The following CCDC6 variants were observed in gnomAD, a reference collection of about 807,000 sequenced individuals.
CCDC6 encodes the protein coiled-coil domain containing 6.
A neutral mutation model predicts 56.6 loss-of-function variants in CCDC6; 20 were observed. The observed-to-expected ratio is 0.35, with a 90% confidence interval of 0.25 to 0.51. The LOEUF is 0.51. Among genes scored for constraint, CCDC6 ranks in the 20% least tolerant of loss-of-function variants. The probability of loss-of-function intolerance (pLI) is 0.95; values close to 1 mark genes in which losing one functional copy is unlikely to be tolerated. For synonymous variants in CCDC6, 241 were observed against 234.4 expected, an observed-to-expected ratio of 1.03 and a Z score of -0.26; for missense variants, 367 against 601.1, an observed-to-expected ratio of 0.61 and a Z score of 4.07.
At chr10:59,877,593 C>A (rs891477487) in intron 1 of CCDC6, among the ~76,000 whole-genome samples, 4 of 152,170 alleles carry the variant, frequency 2.6e-5, no homozygotes, top group African/African-American at 7.2e-5. Flanking sequence ...TCAGGGCCTA[C>A]AAATGTTTGT....
At chr10:59,869,541 G>A (rs78336812) in intron 1 of CCDC6, among the ~76,000 whole-genome samples, 3,839 of 150,884 alleles carry the variant, frequency 0.025, 51 homozygotes, top group Middle Eastern at 0.045. Context: ...AGAAAGTCCT[G>A]TTTCTAATGG....
intron 1 of CCDC6, among the ~76,000 whole-genome samples, chr10:59,869,429 GAAA>G (rs71006295): frequency 2.7e-4 from 28 of 103,122 alleles, no homozygotes; most frequent in Admixed American, 1.0e-3. Context: ...ACAGAAAAAA[GAAA>G]AAAAAAAAAC....
Position 59,790,603 on chromosome 10 carries a change from G to C in CCDC6, c.*2314C>G, listed in dbSNP as rs1294067083. On this transcript the variant is annotated 3_prime_UTR_variant, in exon 9 of 9. Transcript: ENST00000263102. ...CATCAAATTCAAAAGAGTAGTGTTT[G>C]TTCTATCAGTTCTGAATGTCCACAG... 1 of 221,124 alleles carries C rather than the reference G, an allele frequency of 4.5e-6. No homozygotes were observed. Among genetic ancestry groups the C allele is most frequent in the African/African-American group, 2.2e-5 (1 of 44,574 alleles). 13.7% of individuals were successfully genotyped at this position (221,124 alleles called of 1,614,324 possible). A position where few individuals can be genotyped will look rare whatever the true frequency, so the allele number is the denominator to read the frequency against.
chr10:59,845,207 T>G (rs996238057), intron 2 of CCDC6, among the ~76,000 whole-genome samples: 13 of 152,126 alleles, frequency 8.5e-5, no homozygotes. Context: ...ATAAAGCAAG[T>G]TTAACTCCAG....
chr10:59,863,718 T>C (rs1456649710), intron 1 of CCDC6, among the ~76,000 whole-genome samples: 1 of 152,242 alleles, frequency 6.6e-6, no homozygotes, highest in Non-Finnish European at 1.5e-5. Flanking sequence ...AAGCATTCTC[T>C]ATAACATGCA....
intron 1 of CCDC6, among the ~76,000 whole-genome samples, chr10:59,878,695 C>T (rs754203885): frequency 6.6e-6 from 1 of 152,160 alleles, no homozygotes; most frequent in Non-Finnish European, 1.5e-5. Context: ...CCTACCCCTT[C>T]ACAACCAATC....
At chr10:59,874,165 T>G (rs1295724394) in intron 1 of CCDC6, among the ~76,000 whole-genome samples, 1 of 144,904 alleles carries the variant, frequency 6.9e-6, no homozygotes, top group Non-Finnish European at 1.5e-5. Flanking sequence ...CTACATAGAT[T>G]CCATATGCCA....
At chr10:59,864,874 A>C (rs1427838840) in intron 1 of CCDC6, among the ~76,000 whole-genome samples, 2 of 152,220 alleles carry the variant, frequency 1.3e-5, no homozygotes, top group Non-Finnish European at 2.9e-5. Context: ...GCTGTGCCTA[A>C]CAAGTCTCAA....
chr10:59,865,777 A>G (rs1417433095), intron 1 of CCDC6, among the ~76,000 whole-genome samples: 1 of 145,796 alleles, frequency 6.9e-6, no homozygotes, highest in East Asian at 2.1e-4. Context: ...GCTTGAACCC[A>G]GGAGATAGAG....
At chr10:59,837,380 A>G (rs17791132) in intron 2 of CCDC6, among the ~76,000 whole-genome samples, 28,820 of 152,170 alleles carry the variant, frequency 0.19, 3,522 homozygotes, top group Middle Eastern at 0.29. Flanking sequence ...CTTGTTGTCA[A>G]GTCAGTCCTT....
rs755840504 is a variant in CCDC6 at position 59,906,261 on chromosome 10, C to A, written c.164G>T (p.Arg55Leu). ...KSGGIVISPF[R>L]LEELTNRLAS... ...CAGGCGGTTGGTGAGCTCCTCCAGG[C>A]GGAACGGCGAGATGACAATGCCCCC... The change falls in exon 1 of 9, where the codon CGC becomes CTC. Residue 55 changes from arginine (R) to leucine (L), a missense_variant. Physicochemically the swap from Arg to Leu is moderately radical, Grantham distance 102 (BLOSUM62 -2). This residue lies in a region of CCDC6 where 41 missense variants were observed against 90.8 expected (regional missense o/e 0.45). Transcript: ENST00000263102. 7 of 1,612,506 alleles carry A rather than the reference C, an allele frequency of 4.3e-6. No homozygotes were observed. The highest frequency in any genetic ancestry group is 3.3e-5 in the South Asian group (3 of 91,070).
chr10:59,817,087 G>C (rs1022684805), intron 3 of CCDC6, among the ~76,000 whole-genome samples: 1 of 152,232 alleles, frequency 6.6e-6, no homozygotes, highest in African/African-American at 2.4e-5. Flanking sequence ...GCAACAATGA[G>C]AAATTGTGGG....
intron 2 of CCDC6, among the ~76,000 whole-genome samples, chr10:59,835,320 G>C (rs2070872569): frequency 3.9e-5 from 6 of 152,184 alleles, no homozygotes; most frequent in Admixed American, 3.9e-4. Context: ...GGAAAGGCAA[G>C]GCTCTCACTG....
Position 59,794,330 on chromosome 10 carries a change from TAA to T in CCDC6, c.1230+141_1230+142del, listed in dbSNP as rs2070494557. 1.4e-5 allele frequency: 11 copies of T among 764,140 alleles called. No individual in the cohort carries two copies. In the South Asian group the frequency reaches 2.0e-4, roughly 14 times the overall value. 47.3% of individuals were successfully genotyped at this position (764,140 alleles called of 1,614,324 possible). ...TACCAGAATTTGGTATCAAACTGTT[TAA>T]GTCTCTACAGTTTCAAGGTGAACGG... is the stretch of plus-strand genomic sequence containing the variant. On this transcript the variant is annotated intron_variant, in intron 8 of 8. Coordinates refer to ENST00000263102, the MANE Select transcript of CCDC6 (RefSeq NM_005436.5).
At chr10:59,798,639 G>A (rs1358006502) in intron 7 of CCDC6, among the ~76,000 whole-genome samples, 1 of 152,112 alleles carries the variant, frequency 6.6e-6, no homozygotes, top group Non-Finnish European at 1.5e-5. Flanking sequence ...AAAAAACATT[G>A]GAGAATAAAA....
At chr10:59,883,471 A>G (rs1360447472) in intron 1 of CCDC6, among the ~76,000 whole-genome samples, 2 of 152,232 alleles carry the variant, frequency 1.3e-5, no homozygotes, top group African/African-American at 4.8e-5. Context: ...CATGGCAGCC[A>G]TCATCTCCCT....
chr10:59,899,256 T>C (rs534892112), intron 1 of CCDC6, among the ~76,000 whole-genome samples: 1 of 152,248 alleles, frequency 6.6e-6, no homozygotes, highest in South Asian at 2.1e-4. Flanking sequence ...TCTGCCAACT[T>C]TGACAATTCA....
At chr10:59,809,049 C>T (rs1449727109) in intron 5 of CCDC6, among the ~76,000 whole-genome samples, 1 of 152,196 alleles carries the variant, frequency 6.6e-6, no homozygotes, top group Admixed American at 6.5e-5. Context: ...TTACAAAGTA[C>T]ACTTTTAATA....
Position 59,906,454 on chromosome 10 carries a change from A to AGCAGCAGGGAGGCGGC in CCDC6, c.-46_-31dup. On this transcript the variant is annotated 5_prime_UTR_variant, in exon 1 of 9. Transcript: ENST00000263102. Reference sequence around the variant, plus strand: ...GCGGCGGGCTGGGGAAAGGAGGAGGAGCAGCAGGGAGGCGGCGGCGACGAA... The same window carrying AGCAGCAGGGAGGCGGC: ...GCGGCGGGCTGGGGAAAGGAGGAGGAGCAGCAGGGAGGCGGCGCAGCAGGGAGGCGGCGGCGACGAA... The AGCAGCAGGGAGGCGGC allele has an allele frequency of 6.8e-7, 1 of 1,461,414 alleles. No homozygotes were observed. The highest frequency in any genetic ancestry group is 8.9e-7 in the Non-Finnish European group (1 of 1,122,312). The allele number at this position is 1,461,414 out of a possible 1,614,324, so 90.5% of individuals were successfully genotyped here.
Sources: gnomAD v4.1 joint callset for allele counts (sites outside exome capture counted in the v4.1 genomes callset) on GRCh38, gnomAD v4.1.1 for gene constraint, gnomAD v4.1.1 regional missense constraint, MANE v1.5 for transcripts, NCBI Gene and HGNC (gene_info 2026-07-23, HGNC 2026-07-21) for gene names.